PITPNM2: variants seen among roughly 807,000 people sequenced by gnomAD.
PITPNM2 encodes membrane-associated phosphatidylinositol transfer protein 2.
A neutral mutation model predicts 132.2 loss-of-function variants in PITPNM2; 35 were observed. That is an observed-to-expected ratio of 0.26 (90% CI 0.20 to 0.35). The LOEUF (loss-of-function observed/expected upper bound fraction) is 0.35, where lower values mean the gene tolerates loss of function less well. Among genes scored for constraint, PITPNM2 ranks in the 10% least tolerant of loss-of-function variants. The pLI, the probability that PITPNM2 is intolerant of heterozygous loss-of-function variation, is 1.00. For synonymous variants in PITPNM2, 738 were observed against 799.2 expected, an observed-to-expected ratio of 0.92 and a Z score of 1.29; for missense variants, 1,332 against 1,912.0, an observed-to-expected ratio of 0.70 and a Z score of 5.66.
rs1363721245 is a variant in PITPNM2 at position 123,008,705 on chromosome 12, C to T, written c.643+1145G>A. Among the ~76,000 whole-genome samples the T allele has an allele frequency of 6.6e-6, 1 of 152,200 alleles. No individual in the cohort carries two copies. The highest frequency in any genetic ancestry group is 1.5e-5 in the Non-Finnish European group (1 of 68,046). The stretch of plus-strand genomic sequence containing the variant: ...ACCTCTCCCAGCTGCTGATTGACAC[C>T]GCAGCAGCCCTTCTGGAAAAAGAAT... On this transcript the variant is annotated intron_variant, in intron 6 of 25. Transcript: ENST00000320201. This position sits in a 1 kb window ranked among gnomAD's most constrained non-coding sequence, Gnocchi z 4.1.
chr12:123,126,563 A>G (rs2043145681), intron 1 of PITPNM2, among the ~76,000 whole-genome samples: 1 of 152,168 alleles, frequency 6.6e-6, no homozygotes, highest in Admixed American at 6.5e-5. Context: ...GCAAAACCAC[A>G]CTGAGTGAGT....
Position 123,031,981 on chromosome 12 carries a change from G to A in PITPNM2, c.78+2532C>T, listed in dbSNP as rs2040107814. Among the ~76,000 whole-genome samples, 1 of 152,178 alleles carries A rather than the reference G, an allele frequency of 6.6e-6. No homozygotes were observed. ...AGCTCTCACGAAGGGCCCTGAGAGTGCTGATGCTCACGATCTGCAAGGCGG... is the reference window on the plus strand; with the variant it reads ...AGCTCTCACGAAGGGCCCTGAGAGTACTGATGCTCACGATCTGCAAGGCGG... On this transcript the variant is annotated intron_variant, in intron 3 of 25. Transcript: ENST00000320201. This position sits in a 1 kb window ranked among gnomAD's most constrained non-coding sequence, Gnocchi z 4.5.
Position 123,108,524 on chromosome 12 carries a change from A to G in PITPNM2, c.-96+1861T>C, listed in dbSNP as rs139132351. On this transcript the variant is annotated intron_variant, in intron 2 of 25. Coordinates refer to ENST00000320201, the MANE Select transcript of PITPNM2 (RefSeq NM_020845.3). This position sits in a 1 kb window ranked among gnomAD's most constrained non-coding sequence, Gnocchi z 4.4. Reference sequence around the variant, plus strand: ...GCAACAGGACAACCACGAGGCCCCAACCCCGCAGAACCCGAGTGACCCCTG... The same window carrying G: ...GCAACAGGACAACCACGAGGCCCCAGCCCCGCAGAACCCGAGTGACCCCTG... 9.9e-5 allele frequency among the ~76,000 whole-genome samples: 15 copies of G among 152,194 alleles called. No individual in the cohort carries two copies. The East Asian group carries it at 1.5e-3, about 16-fold the overall frequency.
At chr12:122,996,407 C>T (rs763277364) in intron 13 of PITPNM2, 51 bp downstream of exon 13, 11 of 1,602,308 alleles carry the variant, frequency 6.9e-6, no homozygotes, top group African/African-American at 5.4e-5. Context: ...ACCCTGGGGG[C>T]GTGCAGGAGG....
intron 2 of PITPNM2, among the ~76,000 whole-genome samples, chr12:123,049,137 AACACACACAC>A (rs35784732): frequency 6.8e-6 from 1 of 146,778 alleles, no homozygotes; most frequent in African/African-American, 2.5e-5. Flanking sequence ...CTGTCTCTAA[AACACACACAC>A]ACACACACAC....
rs1277927227 is a variant in PITPNM2, at chr12:123,058,226, G to A, written c.-95-23541C>T. On this transcript the variant is annotated intron_variant, in intron 2 of 25. Transcript: ENST00000320201. The surrounding 1 kb of genome is among the most constrained non-coding windows in gnomAD (Gnocchi z 4.0). ...TGGTCAGGGTGTATACCAGGTCTCCGTCTCCAATGCCACCATGGGGTCCCC... is the reference window on the plus strand; with the variant it reads ...TGGTCAGGGTGTATACCAGGTCTCCATCTCCAATGCCACCATGGGGTCCCC... 6.6e-6 allele frequency among the ~76,000 whole-genome samples: 1 copy of A among 152,144 alleles called. No homozygotes were observed. Among genetic ancestry groups the A allele is most frequent in the African/African-American group, 2.4e-5 (1 of 41,426 alleles).
intron 2 of PITPNM2, among the ~76,000 whole-genome samples, chr12:123,054,261 G>T (rs1023990549): frequency 6.6e-6 from 1 of 152,050 alleles, no homozygotes; most frequent in African/African-American, 2.4e-5. Context: ...TACAATCTTG[G>T]CTATTGTTTC....
chr12:123,142,761 C>T (rs2043531457), intron 1 of PITPNM2, among the ~76,000 whole-genome samples: 1 of 152,206 alleles, frequency 6.6e-6, no homozygotes, highest in Non-Finnish European at 1.5e-5. Flanking sequence ...GAATGTTCCC[C>T]CTGCTCCGTG....
At chr12:123,100,036 A>T (rs2137215794) in intron 2 of PITPNM2, among the ~76,000 whole-genome samples, 1 of 152,344 alleles carries the variant, frequency 6.6e-6, no homozygotes, top group South Asian at 2.1e-4. Context: ...CCTTTCTTCC[A>T]CATGACCATA....
chr12:123,066,207 C>T (rs1267811833), intron 2 of PITPNM2, among the ~76,000 whole-genome samples: 6 of 152,142 alleles, frequency 3.9e-5, no homozygotes, highest in Admixed American at 3.9e-4. Context: ...CTCAGGGAGC[C>T]AGGGCTGGAT....
At chr12:123,068,654 C>T (rs2041525977) in intron 2 of PITPNM2, among the ~76,000 whole-genome samples, 1 of 152,162 alleles carries the variant, frequency 6.6e-6, no homozygotes, top group Non-Finnish European at 1.5e-5. Context: ...TACCTGTCTC[C>T]ACTTTTGGAG....
At chr12:123,125,836 T>C (rs1371884615) in intron 1 of PITPNM2, among the ~76,000 whole-genome samples, 25 of 118,724 alleles carry the variant, frequency 2.1e-4, no homozygotes, top group Admixed American at 1.7e-4. Flanking sequence ...AGCGAGACTC[T>C]GTCTCAAAAA....
chr12:122,988,870 C>A lies in PITPNM2; in HGVS notation c.2734G>T (p.Ala912Ser). The A allele has an allele frequency of 6.4e-7, 1 of 1,560,662 alleles. No homozygotes were observed. The highest frequency in any genetic ancestry group is 8.7e-7 in the Non-Finnish European group (1 of 1,151,778). ...CGCTTCTGGCCCCACCACTTTGCAG[C>A]GACTGCCAGGAGGGGCCGTGACTGG... ...GLPELDIGEV[A>S]AKWWGQKRID... The change falls in exon 19 of 26, where the codon GCT becomes TCT. Residue 912 changes from alanine to serine, a missense_variant and splice_region_variant. Around this residue, in one of 6 missense-constraint regions of PITPNM2, gnomAD observed 710 missense variants for 911.5 expected, o/e 0.78. Coordinates refer to ENST00000320201, the MANE Select transcript of PITPNM2 (RefSeq NM_020845.3).
chr12:123,070,694 C>T (rs1474602033), intron 2 of PITPNM2, among the ~76,000 whole-genome samples: 1 of 152,214 alleles, frequency 6.6e-6, no homozygotes, highest in Non-Finnish European at 1.5e-5. Flanking sequence ...ACAGCTTACA[C>T]AGGCCAGGCC....
At chr12:123,043,397 A>C (rs563915841) in intron 2 of PITPNM2, among the ~76,000 whole-genome samples, 7 of 152,152 alleles carry the variant, frequency 4.6e-5, no homozygotes, top group South Asian at 2.1e-4. Context: ...CCCACCCCCC[A>C]CAGATTCCTT....
intron 2 of PITPNM2, among the ~76,000 whole-genome samples, chr12:123,057,006 G>A (rs1265872546): frequency 6.6e-6 from 1 of 152,208 alleles, no homozygotes; most frequent in Non-Finnish European, 1.5e-5. Context: ...TCCCAAATGT[G>A]AAAGAGAAAA....
intron 1 of PITPNM2, among the ~76,000 whole-genome samples, chr12:123,133,813 CAG>C (rs200831962): frequency 0.012 from 1,267 of 109,830 alleles, 6 homozygotes; most frequent in East Asian, 0.059. Context: ...CACACACACA[CAG>C]ACACACACAC....
At chr12:123,069,650 T>C (rs1320136311) in intron 2 of PITPNM2, among the ~76,000 whole-genome samples, 1 of 152,120 alleles carries the variant, frequency 6.6e-6, no homozygotes, top group East Asian at 1.9e-4. Context: ...CCGGGCACCT[T>C]GCGCCCACTT....
In PITPNM2 at chr12:123,108,102, A is replaced by C. The variant is rs1207497676; in HGVS notation, c.-96+2283T>G. Among the ~76,000 whole-genome samples, 1 of 152,246 alleles carries C rather than the reference A, an allele frequency of 6.6e-6. No homozygotes were observed. The highest frequency in any genetic ancestry group is 2.4e-5 in the African/African-American group (1 of 41,468). ...TGCTGGAACTGCATAAGCAAAGCGC[A>C]GAGAATGTACCAGCATATAAACTAG... is the stretch of plus-strand genomic sequence containing the variant. On this transcript the variant is annotated intron_variant, in intron 2 of 25. Coordinates refer to ENST00000320201, the MANE Select transcript of PITPNM2 (RefSeq NM_020845.3). This position sits in a 1 kb window ranked among gnomAD's most constrained non-coding sequence, Gnocchi z 4.4.
Sources: allele counts gnomAD v4.1 joint callset (sites outside exome capture counted in the v4.1 genomes callset), GRCh38; gene constraint gnomAD v4.1.1; regional missense constraint gnomAD v4.1.1; non-coding constraint Gnocchi (gnomAD v3.1); transcripts MANE v1.5; gene names NCBI Gene and HGNC (gene_info 2026-07-23, HGNC 2026-07-21).